ATR: variants seen among roughly 807,000 people sequenced by gnomAD.
ATR encodes ATR checkpoint kinase.
In ATR, 142 loss-of-function variants were observed where a neutral mutation model predicts 305.3. The ratio of observed to expected loss-of-function variants is 0.47; its 90% CI spans 0.41 to 0.53. The LOEUF (loss-of-function observed/expected upper bound fraction) is 0.53. Ranked by LOEUF, ATR falls within the 20% of genes least tolerant of loss-of-function variation. The pLI is 0.00. For missense variants in ATR, 2,135 were observed against 3,133.1 expected (o/e 0.68, Z 7.60); for synonymous variants, 1,050 against 1,068.1 (o/e 0.98, Z 0.33).
intron 3 of ATR, among the ~76,000 whole-genome samples, chr3:142,565,470 A>G (rs2035034684): frequency 6.6e-6 from 1 of 152,210 alleles, no homozygotes; most frequent in Admixed American, 6.5e-5. Flanking sequence ...AATATATAGA[A>G]TAGCGGTCAG....
intron 1 of ATR, among the ~76,000 whole-genome samples, chr3:142,568,362 C>T (rs765974296): frequency 2.6e-5 from 4 of 152,176 alleles, no homozygotes; most frequent in Non-Finnish European, 5.9e-5. Flanking sequence ...TAAAGAGATC[C>T]AATCAGCAAA....
At chr3:142,498,870 C>G (rs919734224) in intron 31 of ATR, 96 bp from the exon 32 acceptor site, 28 of 1,200,378 alleles carry the variant, frequency 2.3e-5, no homozygotes, top group Non-Finnish European at 3.2e-5. Context: ...AAATATCAAA[C>G]AGGTGGCTTC....
At chr3:142,534,571 G>T (rs1261176054) in intron 21 of ATR, among the ~76,000 whole-genome samples, 4 of 151,942 alleles carry the variant, frequency 2.6e-5, no homozygotes, top group Non-Finnish European at 5.9e-5. Context: ...CAGTGATCTG[G>T]TATTTTAAAT....
At chr3:142,493,983 A>G (rs571389991) in intron 34 of ATR, among the ~76,000 whole-genome samples, 1 of 150,774 alleles carries the variant, frequency 6.6e-6, no homozygotes, top group Admixed American at 6.6e-5. Flanking sequence ...TCAGTGAGCT[A>G]TGATCATGCC....
chr3:142,569,132 G>A (rs1438371059), intron 1 of ATR, among the ~76,000 whole-genome samples: 1 of 152,094 alleles, frequency 6.6e-6, no homozygotes, highest in African/African-American at 2.4e-5. Context: ...ACCCATGACT[G>A]CCTATGGACC....
At chr3:142,503,240 C>T (rs761776459) in intron 30 of ATR, 122 bp downstream of exon 30, 19 of 716,836 alleles carry the variant, frequency 2.7e-5, no homozygotes, top group Non-Finnish European at 4.4e-5. Flanking sequence ...TGCTTATCTC[C>T]AATACCATGA....
intron 27 of ATR, 112 bp downstream of exon 27, chr3:142,512,148 G>C (rs2108370058): frequency 1.0e-6 from 1 of 983,714 alleles, no homozygotes; most frequent in African/African-American, 1.7e-5. Flanking sequence ...TAAAAAACAT[G>C]AAGCAAGGTA....
chr3:142,560,193 T>A, intron 6 of ATR, 70 bp downstream of exon 6: 1 of 1,454,388 alleles, frequency 6.9e-7, no homozygotes, highest in Non-Finnish European at 9.6e-7. Flanking sequence ...GTCAAGTGAA[T>A]AATGAGTAAA....
intron 2 of ATR, among the ~76,000 whole-genome samples, chr3:142,566,838 G>A (rs910969776): frequency 6.6e-6 from 1 of 151,750 alleles, no homozygotes; most frequent in South Asian, 2.1e-4. Context: ...GTGCCTCCGG[G>A]GTACAAGTGA....
chr3:142,478,413 T>A (rs549001189), intron 36 of ATR, among the ~76,000 whole-genome samples: 1 of 152,372 alleles, frequency 6.6e-6, no homozygotes, highest in South Asian at 2.1e-4. Context: ...ATTGAGTTTC[T>A]TAATCCTGGG....
At position 142,522,599 on chromosome 3, in the gene ATR, A is replaced by G. The variant is rs1353872225; in HGVS notation, c.4266+129T>C. The G allele has an allele frequency of 3.6e-6, 3 of 833,262 alleles. No individual in the cohort carries two copies. In the South Asian group the frequency reaches 4.5e-5, roughly 13 times the overall value. The allele number at this position is 833,262 out of a possible 1,614,324, so 51.6% of individuals were successfully genotyped here. ...TATGCTTCTGTACTCTAAAATGTTT[A>G]TCATGAACTTGTATAACTTTGATAA... is the stretch of plus-strand genomic sequence containing the variant. On this transcript the variant is annotated intron_variant, in intron 23 of 46. Transcript: ENST00000350721.
chr3:142,568,207 CA>C (rs1041553540), intron 1 of ATR, 53 bp from the exon 2 acceptor site: 85 of 1,440,734 alleles, frequency 5.9e-5, no homozygotes, highest in Non-Finnish European at 7.7e-5. Flanking sequence ...GTTTCATTTG[CA>C]AAAAAAATTT....
intron 21 of ATR, 83 bp from the exon 22 acceptor site, chr3:142,524,282 A>T: frequency 7.9e-7 from 1 of 1,271,696 alleles, no homozygotes; most frequent in South Asian, 1.3e-5. Flanking sequence ...TAAAAATATT[A>T]AGGAATATCT....
intron 41 of ATR, among the ~76,000 whole-genome samples, chr3:142,463,424 T>C (rs1202213991): frequency 6.6e-6 from 1 of 152,168 alleles, no homozygotes; most frequent in Non-Finnish European, 1.5e-5. Context: ...TGAGACAGAA[T>C]CTCACTCTGT....
At chr3:142,464,976 TA>T in intron 41 of ATR, 120 bp downstream of exon 41, 1 of 522,734 alleles carries the variant, frequency 1.9e-6, no homozygotes, top group Non-Finnish European at 2.9e-6. Flanking sequence ...CTAAAATGCC[TA>T]TATCAGATTG....
chr3:142,515,107 TC>T (rs1050380978), intron 25 of ATR, among the ~76,000 whole-genome samples: 4 of 152,146 alleles, frequency 2.6e-5, no homozygotes, highest in African/African-American at 9.6e-5. Flanking sequence ...AGCATTTACA[TC>T]CTTTTACATA....
chr3:142,542,301 C>A (rs1382782796), intron 17 of ATR, among the ~76,000 whole-genome samples: 2 of 152,146 alleles, frequency 1.3e-5, no homozygotes, highest in African/African-American at 4.8e-5. Flanking sequence ...CCATTGAGGT[C>A]ATTAACTGGC....
chr3:142,511,295 C>T (rs1054367984), intron 27 of ATR, among the ~76,000 whole-genome samples: 2 of 152,092 alleles, frequency 1.3e-5, no homozygotes, highest in African/African-American at 4.8e-5. Context: ...ATTTATTTCA[C>T]ATTTTATAAT....
At chr3:142,559,919 A>G (rs1457573436) in intron 6 of ATR, among the ~76,000 whole-genome samples, 2 of 152,140 alleles carry the variant, frequency 1.3e-5, no homozygotes, top group Admixed American at 1.3e-4. Flanking sequence ...CTGGGTTTTG[A>G]GTTGTACACA....
Sources: allele counts gnomAD v4.1 joint callset (sites outside exome capture counted in the v4.1 genomes callset), GRCh38; gene constraint gnomAD v4.1.1; transcripts MANE v1.5; gene names NCBI Gene and HGNC (gene_info 2026-07-23, HGNC 2026-07-21).